The following ASIC2 variants were observed in gnomAD, a reference collection of about 807,000 sequenced individuals.
ASIC2 encodes acid-sensing ion channel 2.
In ASIC2, 25 loss-of-function variants were observed where a neutral mutation model predicts 57.3. That is an observed-to-expected ratio of 0.44 (90% CI 0.32 to 0.61). ASIC2 has a LOEUF of 0.61. Ranked by LOEUF, ASIC2 falls within the 20% of genes least tolerant of loss-of-function variation. The pLI is 0.06. For synonymous variants in ASIC2, 319 were observed against 307.5 expected (o/e 1.04, Z -0.39); for missense variants, 641 against 738.1 (o/e 0.87, Z 1.52).
intron 1 of ASIC2, among the ~76,000 whole-genome samples, chr17:33,976,059 G>T (rs185306655): frequency 6.6e-6 from 1 of 151,492 alleles, no homozygotes; most frequent in South Asian, 2.1e-4. Context: ...TTGGATGGAC[G>T]CTCTTGGATC....
chr17:33,436,589 C>A (rs77482962), intron 1 of ASIC2, among the ~76,000 whole-genome samples: 10,704 of 152,228 alleles, frequency 0.07, 471 homozygotes, highest in Middle Eastern at 0.1. Context: ...TCAGCAGCAC[C>A]CATTTCCTAG....
At chr17:33,118,086 C>G (rs1325792110) in intron 1 of ASIC2, among the ~76,000 whole-genome samples, 1 of 152,124 alleles carries the variant, frequency 6.6e-6, no homozygotes, top group Non-Finnish European at 1.5e-5. Flanking sequence ...TGCACACAGC[C>G]CACTTTGAAA....
At chr17:33,061,146 C>G (rs992084789) in intron 3 of ASIC2, among the ~76,000 whole-genome samples, 3 of 152,062 alleles carry the variant, frequency 2.0e-5, no homozygotes, top group Admixed American at 6.6e-5. Flanking sequence ...AATTGAATAC[C>G]CTTTATTTCT....
At chr17:33,255,357 C>T (rs1909028831) in intron 1 of ASIC2, among the ~76,000 whole-genome samples, 1 of 151,722 alleles carries the variant, frequency 6.6e-6, no homozygotes, top group Admixed American at 6.6e-5. Context: ...AAGAGTTGTG[C>T]TAAATATTGT....
rs537512969 is a variant in ASIC2, at chr17:34,128,816, G to A, written c.555+27162C>T. 5.3e-5 allele frequency among the ~76,000 whole-genome samples: 8 copies of A among 152,186 alleles called. No individual in the cohort carries two copies. In the East Asian group the frequency reaches 5.8e-4, roughly 11 times the overall value. ...TTGTGTCAGCAGAGGGGGTAGTCTCGGTCTAGCTCAGCTCCAGCTGCACAT... is the reference window on the plus strand; with the variant it reads ...TTGTGTCAGCAGAGGGGGTAGTCTCAGTCTAGCTCAGCTCCAGCTGCACAT... On this transcript the variant is annotated intron_variant, in intron 1 of 9. Transcript: ENST00000359872.
chr17:34,130,177 C>A (rs996363623), intron 1 of ASIC2, among the ~76,000 whole-genome samples: 2 of 152,194 alleles, frequency 1.3e-5, no homozygotes, highest in African/African-American at 4.8e-5. Context: ...TCTGACTGAG[C>A]CTGTCACACA....
chr17:33,528,771 C>T (rs1369645184), intron 1 of ASIC2, among the ~76,000 whole-genome samples: 3 of 152,234 alleles, frequency 2.0e-5, no homozygotes, highest in Non-Finnish European at 4.4e-5. Flanking sequence ...ATGAATCACC[C>T]TATTTGCTGC....
chr17:33,713,314 A>G (rs1344211303), intron 1 of ASIC2, among the ~76,000 whole-genome samples: 1 of 152,228 alleles, frequency 6.6e-6, no homozygotes, highest in East Asian at 1.9e-4. Context: ...TCTGGAGGCT[A>G]AAAGTCCAAA....
At chr17:33,028,209 A>AG (rs58042873) in intron 4 of ASIC2, 33 bp downstream of exon 4, 1,611,379 of 1,611,416 alleles carry the variant, frequency 1, 805,671 homozygotes, top group Middle Eastern at 1. Flanking sequence ...GGCAGATCCC[A>AG]GGGCCCTGTG....
At chr17:34,151,127 A>G (rs1904511085) in intron 1 of ASIC2, among the ~76,000 whole-genome samples, 1 of 130,964 alleles carries the variant, frequency 7.6e-6, no homozygotes, top group South Asian at 2.5e-4. Context: ...AAAAAAAAAT[A>G]AAGAGGTAGA....
intron 1 of ASIC2, chr17:34,155,765 A>G (rs1235171015): frequency 1.8e-6 from 1 of 558,238 alleles, no homozygotes; most frequent in Non-Finnish European, 3.1e-6. Context: ...CTCACCCTCC[A>G]TATTTGATCT....
At chr17:34,130,670 T>C (rs1052081199) in intron 1 of ASIC2, among the ~76,000 whole-genome samples, 2 of 152,242 alleles carry the variant, frequency 1.3e-5, no homozygotes, top group African/African-American at 4.8e-5. Context: ...TCTCACACCA[T>C]AATGAATCTG....
intron 1 of ASIC2, among the ~76,000 whole-genome samples, chr17:33,941,529 C>G (rs1009274565): frequency 5.9e-5 from 9 of 152,196 alleles, no homozygotes; most frequent in Non-Finnish European, 1.2e-4. Context: ...CATCTGCTCT[C>G]AGTCCCAGAC....
chr17:33,636,047 T>C (rs992258039), intron 1 of ASIC2, among the ~76,000 whole-genome samples: 1 of 152,250 alleles, frequency 6.6e-6, no homozygotes, highest in Non-Finnish European at 1.5e-5. Flanking sequence ...AAATGTTGTT[T>C]AGAGAAGCAA....
intron 1 of ASIC2, among the ~76,000 whole-genome samples, chr17:33,373,912 A>G (rs1909179549): frequency 1.3e-5 from 2 of 152,200 alleles, no homozygotes; most frequent in African/African-American, 4.8e-5. Flanking sequence ...TCCTGACCTC[A>G]GGTGATCTGC....
chr17:33,861,982 A>G (rs955082694), intron 1 of ASIC2, among the ~76,000 whole-genome samples: 6 of 152,338 alleles, frequency 3.9e-5, no homozygotes, highest in African/African-American at 1.2e-4. Context: ...TCCCTCCTGC[A>G]TCAAGCAGCC....
intron 1 of ASIC2, among the ~76,000 whole-genome samples, chr17:33,435,476 T>A (rs1356590155): frequency 6.6e-6 from 1 of 152,262 alleles, no homozygotes; most frequent in Admixed American, 6.5e-5. Context: ...TTAAAATGCA[T>A]CACACATATT....
intron 1 of ASIC2, among the ~76,000 whole-genome samples, chr17:33,667,653 T>C (rs1226200343): frequency 6.6e-6 from 1 of 152,230 alleles, no homozygotes; most frequent in African/African-American, 2.4e-5. Context: ...CTATTGCAGC[T>C]GTAACAAATT....
At chr17:34,144,048 T>C (rs1476100619) in intron 1 of ASIC2, among the ~76,000 whole-genome samples, 1 of 152,202 alleles carries the variant, frequency 6.6e-6, no homozygotes, top group Non-Finnish European at 1.5e-5. Flanking sequence ...TAAAATCAGA[T>C]ACCTCATTCA....
Sources: allele counts gnomAD v4.1 joint callset (sites outside exome capture counted in the v4.1 genomes callset), GRCh38; gene constraint gnomAD v4.1.1; transcripts MANE v1.5; gene names NCBI Gene and HGNC (gene_info 2026-07-23, HGNC 2026-07-21).